The following DMD variants were observed in gnomAD, a reference collection of about 807,000 sequenced individuals.
The protein encoded by DMD is mutant dystrophin.
DMD carries 63 observed loss-of-function variants against 330.1 expected under a neutral mutation model. The observed-to-expected ratio is 0.19, with a 90% CI of 0.16 to 0.24. DMD has a LOEUF of 0.24. DMD is among the 10% of genes least tolerant of loss of function. The pLI is 1.00. For synonymous variants in DMD, 1,223 were observed against 959.8 expected (o/e 1.27, Z -5.07); for missense variants, 3,344 against 2,684.1 (o/e 1.25, Z -5.43).
chrX:32,396,702 T>A lies in DMD; in HGVS notation c.4234-6521A>T, dbSNP rs1328550375. Among the ~76,000 whole-genome samples the A allele has an allele frequency of 4.5e-5, 5 of 111,572 alleles. No individual in the cohort carries two copies. The Admixed American group carries it at 4.8e-4, about 11-fold the overall frequency. ...TATTCATTAATAATAATTCAATTCA[T>A]TACTAAAATTATAAAATAAAATGTC... On this transcript the variant is annotated intron_variant, in intron 30 of 78. Coordinates refer to ENST00000357033, the MANE Select transcript of DMD (RefSeq NM_004006.3).
intron 42 of DMD, among the ~76,000 whole-genome samples, chrX:32,290,538 T>C (rs1046194260): frequency 1.8e-5 from 2 of 112,023 alleles, no homozygotes; most frequent in South Asian, 7.3e-4. Flanking sequence ...AAACCACAAA[T>C]GGGTTATACG....
chrX:31,883,417 T>C (rs2094105800), intron 47 of DMD, among the ~76,000 whole-genome samples: 1 of 111,286 alleles, frequency 9.0e-6, no homozygotes, highest in African/African-American at 3.3e-5. Flanking sequence ...CTAAGTTTTT[T>C]TTAAAAATCC....
At chrX:32,251,378 T>A (rs1237577976) in intron 43 of DMD, among the ~76,000 whole-genome samples, 1 of 110,633 alleles carries the variant, frequency 9.0e-6, no homozygotes, top group Non-Finnish European at 1.9e-5. Context: ...GTATCTCAAA[T>A]TGAATATAAA....
chrX:32,750,963 G>T (rs1457144714), intron 7 of DMD, among the ~76,000 whole-genome samples: 1 of 111,943 alleles, frequency 8.9e-6, no homozygotes, highest in Non-Finnish European at 1.9e-5. Context: ...TGCCATCCAT[G>T]TAAGACGTGA....
intron 17 of DMD, among the ~76,000 whole-genome samples, chrX:32,542,346 T>C (rs921140674): frequency 9.0e-6 from 1 of 111,614 alleles, no homozygotes; most frequent in African/African-American, 3.3e-5. Flanking sequence ...GGCAGAGAAT[T>C]GCTTGAAACC....
chrX:32,664,875 A>G (rs1366404255), intron 9 of DMD, among the ~76,000 whole-genome samples: 3 of 111,708 alleles, frequency 2.7e-5, no homozygotes, highest in African/African-American at 6.5e-5. Flanking sequence ...AATGTGGTCT[A>G]AGAACCAACC....
chrX:32,254,707 C>T (rs2097291561), intron 43 of DMD, among the ~76,000 whole-genome samples: 2 of 111,908 alleles, frequency 1.8e-5, no homozygotes, highest in African/African-American at 6.5e-5. Flanking sequence ...TTAGATGTTA[C>T]CCACCATTGC....
chrX:32,447,753 T>C (rs759550664), intron 27 of DMD, among the ~76,000 whole-genome samples: 2 of 111,986 alleles, frequency 1.8e-5, no homozygotes, highest in African/African-American at 6.4e-5. Flanking sequence ...GGATAAAGTT[T>C]TGTGCCCCTT....
intron 37 of DMD, among the ~76,000 whole-genome samples, chrX:32,349,814 T>A (rs1459496640): frequency 1.8e-5 from 2 of 111,734 alleles, no homozygotes; most frequent in Admixed American, 9.5e-5. Context: ...AGTTTTTAAA[T>A]CCTAATGATC....
chrX:32,361,049 G>A (rs2097831669), intron 37 of DMD, among the ~76,000 whole-genome samples: 1 of 110,291 alleles, frequency 9.1e-6, no homozygotes, highest in Non-Finnish European at 1.9e-5. Flanking sequence ...TTTAATATCT[G>A]TGAACCACAA....
intron 9 of DMD, among the ~76,000 whole-genome samples, chrX:32,664,381 A>C (rs1046807326): frequency 1.8e-5 from 2 of 109,021 alleles, no homozygotes; most frequent in Non-Finnish European, 3.8e-5. Context: ...AGCTGGGACT[A>C]CAGGCACCTG....
At chrX:31,465,891 C>T (rs770906361) in intron 59 of DMD, among the ~76,000 whole-genome samples, 6 of 111,771 alleles carry the variant, frequency 5.4e-5, no homozygotes, top group Admixed American at 2.9e-4. Flanking sequence ...TTTTAATGAT[C>T]GCCATTGTAA....
chrX:32,328,982 C>T (rs1231685116), intron 41 of DMD, among the ~76,000 whole-genome samples: 2 of 111,245 alleles, frequency 1.8e-5, no homozygotes, highest in Non-Finnish European at 3.8e-5. Context: ...TACAGAACAA[C>T]CAACTCTGAA....
chrX:31,530,116 G>C (rs2073611623), intron 55 of DMD, among the ~76,000 whole-genome samples: 1 of 111,409 alleles, frequency 9.0e-6, no homozygotes, highest in Non-Finnish European at 1.9e-5. Context: ...CAGATTTTAT[G>C]TTTAAAAAAA....
intron 61 of DMD, among the ~76,000 whole-genome samples, chrX:31,327,669 C>T (rs766281309): frequency 2.1e-4 from 23 of 111,661 alleles, no homozygotes; most frequent in African/African-American, 6.2e-4. Context: ...GATAAATAAC[C>T]GATACAGCAA....
intron 43 of DMD, among the ~76,000 whole-genome samples, chrX:32,226,205 T>C (rs956741964): frequency 1.8e-5 from 2 of 111,862 alleles, no homozygotes; most frequent in Non-Finnish European, 3.8e-5. Flanking sequence ...CACTTCCTAC[T>C]TTGGTCCCTA....
In DMD at chrX:32,844,793, T is replaced by C. The variant is rs1297662991; in HGVS notation, c.254A>G (p.Gln85Arg). Residue 85 changes from glutamine to arginine, a missense_variant, in exon 4 of 79, where the codon CAG becomes CGG. Physicochemically the swap from Gln to Arg is conservative, Grantham distance 43. Transcript: ENST00000357033. Reference protein sequence around the residue: ...NNVNKALRVLQNNNVDLVNIG... With the variant: ...NNVNKALRVLRNNNVDLVNIG... ...CAGGGTACTACTTACATTATTGTTC[T>C]GCAAAACCCGCAGTGCCTTGTTGAC... 1.2e-5 allele frequency: 14 copies of C among 1,210,449 alleles called. No homozygotes were observed. The South Asian group carries it at 1.9e-4, about 17-fold the overall frequency.
At chrX:31,967,977 T>C (rs950353362) in intron 45 of DMD, among the ~76,000 whole-genome samples, 7 of 111,653 alleles carry the variant, frequency 6.3e-5, no homozygotes, top group African/African-American at 2.3e-4. Context: ...AGCAAAGATC[T>C]GTCTTTCCTA....
intron 33 of DMD, among the ~76,000 whole-genome samples, chrX:32,381,205 C>T (rs1334469599): frequency 1.8e-5 from 2 of 111,671 alleles, no homozygotes; most frequent in African/African-American, 6.5e-5. Context: ...AAGTGTCTCA[C>T]ATCTGCTCAA....
Sources: gnomAD v4.1 joint callset for allele counts (sites outside exome capture counted in the v4.1 genomes callset) on GRCh38, gnomAD v4.1.1 for gene constraint, MANE v1.5 for transcripts, NCBI Gene and HGNC (gene_info 2026-07-23, HGNC 2026-07-21) for gene names.